The following PRKCB variants were observed in gnomAD, a reference collection of about 807,000 sequenced individuals.
PRKCB encodes the protein protein kinase C beta.
Under a neutral mutation model 81.5 loss-of-function variants are expected in PRKCB, and 13 were observed. That is an observed-to-expected ratio of 0.16 (90% CI 0.10 to 0.25). The LOEUF is 0.25. Among genes scored for constraint, PRKCB ranks in the 10% least tolerant of loss-of-function variants. The probability of loss-of-function intolerance (pLI) is 1.00; values close to 1 mark genes in which losing one functional copy is unlikely to be tolerated. For missense variants in PRKCB, 509 were observed against 875.7 expected (o/e 0.58, Z 5.29); for synonymous variants, 335 against 321.4 (o/e 1.04, Z -0.45).
intron 16 of PRKCB, among the ~76,000 whole-genome samples, chr16:24,196,558 T>C (rs552657127): frequency 6.6e-6 from 1 of 152,232 alleles, no homozygotes; most frequent in Admixed American, 6.5e-5. Flanking sequence ...CACAGTCCAA[T>C]CCAGTGTTAC....
At chr16:23,885,465 C>T (rs759195763) in intron 2 of PRKCB, among the ~76,000 whole-genome samples, 33 of 152,064 alleles carry the variant, frequency 2.2e-4, no homozygotes, top group Admixed American at 1.0e-3. Context: ...CCCGCCACCA[C>T]GCCCAGCTAA....
chr16:24,021,261 CCTTTCTTTTT>C (rs1965389493), intron 3 of PRKCB, among the ~76,000 whole-genome samples: 2 of 116,560 alleles, frequency 1.7e-5, no homozygotes, highest in Non-Finnish European at 3.4e-5. Flanking sequence ...TTCCTTTCTT[CCTTTCTTTTT>C]CTTTCTTTTC....
chr16:24,165,491 A>T (rs935756351), intron 10 of PRKCB, among the ~76,000 whole-genome samples: 1 of 152,226 alleles, frequency 6.6e-6, no homozygotes, highest in Non-Finnish European at 1.5e-5. Context: ...TAAGCGCTCG[A>T]TGAAAGTTCT....
rs186022156 is a variant in PRKCB at position 24,009,241 on chromosome 16, G to A, written c.288+20651G>A. ...GGTGAGGGTGCTGAATCATATGGTA[G>A]TTCTATTTTTAATGTTTTGAGGAAC... On this transcript the variant is annotated intron_variant, in intron 3 of 16. Coordinates refer to ENST00000643927, the MANE Select transcript of PRKCB (RefSeq NM_002738.7). Among the ~76,000 whole-genome samples the A allele has an allele frequency of 5.5e-3, 843 of 152,242 alleles. 9 individuals are homozygous for A. The highest frequency in any genetic ancestry group is 0.019 in the African/African-American group (778 of 41,516).
At chr16:23,915,300 C>G (rs2141738024) in intron 2 of PRKCB, among the ~76,000 whole-genome samples, 1 of 152,332 alleles carries the variant, frequency 6.6e-6, no homozygotes, top group Non-Finnish European at 1.5e-5. Flanking sequence ...CTGGCGGCCC[C>G]TATGCTGTCC....
intron 10 of PRKCB, among the ~76,000 whole-genome samples, chr16:24,160,401 G>A (rs1370404306): frequency 6.6e-6 from 1 of 152,090 alleles, no homozygotes; most frequent in Non-Finnish European, 1.5e-5. Context: ...TGGTCATCTG[G>A]CTCCTGCTCA....
At chr16:23,896,148 C>A (rs776537235) in intron 2 of PRKCB, among the ~76,000 whole-genome samples, 5 of 150,910 alleles carry the variant, frequency 3.3e-5, no homozygotes, top group Non-Finnish European at 7.4e-5. Context: ...CACTTTCCTG[C>A]CTTTGAAGAT....
At chr16:23,937,068 T>C (rs776908094) in intron 2 of PRKCB, among the ~76,000 whole-genome samples, 1 of 152,158 alleles carries the variant, frequency 6.6e-6, no homozygotes, top group Non-Finnish European at 1.5e-5. Flanking sequence ...AACTTTCAGA[T>C]GGGATAGTTG....
chr16:23,845,108 A>G (rs547921390), intron 2 of PRKCB, among the ~76,000 whole-genome samples: 1 of 152,256 alleles, frequency 6.6e-6, no homozygotes, highest in South Asian at 2.1e-4. Context: ...GGCCTCACTG[A>G]TTAAGTTCTA....
chr16:24,007,030 A>C (rs2141834651), intron 3 of PRKCB, among the ~76,000 whole-genome samples: 1 of 152,334 alleles, frequency 6.6e-6, no homozygotes, highest in East Asian at 1.9e-4. Context: ...TGGGTTTAGA[A>C]GCCAGTGTAA....
intron 15 of PRKCB, 131 bp downstream of exon 15, chr16:24,185,698 G>A (rs1477419304): frequency 2.8e-6 from 2 of 722,820 alleles, no homozygotes. Context: ...GCCAATATGA[G>A]AACCCTGATG....
intron 2 of PRKCB, among the ~76,000 whole-genome samples, chr16:23,960,725 A>T (rs1053756876): frequency 1.7e-4 from 26 of 152,340 alleles, no homozygotes; most frequent in African/African-American, 6.3e-4. Flanking sequence ...GAGAACATGC[A>T]GTAAAACACT....
At chr16:24,121,614 C>A (rs1258344356) in intron 8 of PRKCB, among the ~76,000 whole-genome samples, 1 of 152,170 alleles carries the variant, frequency 6.6e-6, no homozygotes, top group East Asian at 1.9e-4. Flanking sequence ...TGGCCTCAAG[C>A]AGTCCTGCCT....
At chr16:24,014,036 T>C (rs974554764) in intron 3 of PRKCB, among the ~76,000 whole-genome samples, 2 of 152,214 alleles carry the variant, frequency 1.3e-5, no homozygotes, top group South Asian at 2.1e-4. Flanking sequence ...TGTCCTTCTA[T>C]ACAGAGGATC....
chr16:23,890,053 T>G (rs1482418994), intron 2 of PRKCB, among the ~76,000 whole-genome samples: 2 of 152,240 alleles, frequency 1.3e-5, no homozygotes, highest in Non-Finnish European at 2.9e-5. Context: ...ACTTTACACA[T>G]AGTAGACACT....
chr16:23,927,953 T>G (rs1963919143), intron 2 of PRKCB, among the ~76,000 whole-genome samples: 1 of 151,794 alleles, frequency 6.6e-6, no homozygotes. Flanking sequence ...GAGCCTTAGC[T>G]GCACATCAGT....
intron 12 of PRKCB, among the ~76,000 whole-genome samples, chr16:24,175,494 A>T (rs1293582170): frequency 6.6e-6 from 1 of 151,786 alleles, no homozygotes; most frequent in Non-Finnish European, 1.5e-5. Flanking sequence ...AATCATAAAA[A>T]CATAGTCTGC....
chr16:23,977,169 G>A (rs1964637275), intron 2 of PRKCB, among the ~76,000 whole-genome samples: 1 of 152,098 alleles, frequency 6.6e-6, no homozygotes, highest in African/African-American at 2.4e-5. Flanking sequence ...CATAAGACTG[G>A]GCAAATTAGA....
chr16:24,076,855 T>C (rs9928486), intron 5 of PRKCB, among the ~76,000 whole-genome samples: 2,073 of 152,282 alleles, frequency 0.014, 25 homozygotes, highest in African/African-American at 0.035. Flanking sequence ...GCCGGAACTC[T>C]GTCTATCTCA....
Sources: allele counts gnomAD v4.1 joint callset (sites outside exome capture counted in the v4.1 genomes callset), GRCh38; gene constraint gnomAD v4.1.1; transcripts MANE v1.5; gene names NCBI Gene and HGNC (gene_info 2026-07-23, HGNC 2026-07-21).